Variants in DTNB observed in about 807,000 individuals in gnomAD.
DTNB encodes the protein dystrobrevin beta.
DTNB carries 63 observed loss-of-function variants against 90.7 expected under a neutral mutation model. The ratio of observed to expected loss-of-function variants is 0.69; its 90% CI spans 0.57 to 0.86. The LOEUF is 0.86. DTNB is among the 40% of genes least tolerant of loss of function. The pLI, the probability that DTNB is intolerant of heterozygous loss-of-function variation, is 0.00. For missense variants in DTNB, 744 were observed against 807.1 expected (o/e 0.92, Z 0.95); for synonymous variants, 277 against 286.7 (o/e 0.97, Z 0.34).
In DTNB at chr2:25,558,461, T is replaced by C. The variant is rs2057727100; in HGVS notation, c.876+18377A>G. 9 of 945,160 alleles carry C rather than the reference T, an allele frequency of 9.5e-6. No individual in the cohort carries two copies. The South Asian group carries it at 4.4e-4, about 46-fold the overall frequency. The allele number at this position is 945,160 out of a possible 1,614,324, so 58.5% of individuals were successfully genotyped here. A position where few individuals can be genotyped will look rare whatever the true frequency, so the allele number is the denominator to read the frequency against. On this transcript the variant is annotated intron_variant, in intron 8 of 20. Coordinates refer to ENST00000406818, the MANE Select transcript of DTNB (RefSeq NM_021907.5). ...TGACAAAAGGGCTGTGGCTAAGTGA[T>C]GACTGCCACAGGAAATTGCTCATTT... is the stretch of plus-strand genomic sequence containing the variant.
chr2:25,497,145 A>G (rs1419562343), intron 9 of DTNB, among the ~76,000 whole-genome samples: 1 of 152,194 alleles, frequency 6.6e-6, no homozygotes, highest in Non-Finnish European at 1.5e-5. Context: ...GCATTTTGGG[A>G]AAGAGGAGGC....
intron 4 of DTNB, among the ~76,000 whole-genome samples, chr2:25,613,720 G>A (rs546265161): frequency 6.6e-6 from 1 of 151,888 alleles, no homozygotes; most frequent in South Asian, 2.1e-4. Context: ...AACACGTTGG[G>A]AGGCCAAGGT....
At chr2:25,390,316 A>G (rs143257223) in intron 16 of DTNB, among the ~76,000 whole-genome samples, 116 of 152,350 alleles carry the variant, frequency 7.6e-4, no homozygotes, top group African/African-American at 2.2e-3. Context: ...GATCATAGTA[A>G]CTATAAGGGC....
At chr2:25,587,326 T>C (rs1373722613) in intron 6 of DTNB, among the ~76,000 whole-genome samples, 1 of 152,240 alleles carries the variant, frequency 6.6e-6, no homozygotes, top group Non-Finnish European at 1.5e-5. Context: ...ACACTCCTCT[T>C]CCTTAGGCTG....
At chr2:25,446,997 T>C (rs2150092415) in intron 12 of DTNB, among the ~76,000 whole-genome samples, 1 of 152,392 alleles carries the variant, frequency 6.6e-6, no homozygotes, top group Non-Finnish European at 1.5e-5. Context: ...GTGTCTAATC[T>C]GACATTTAAC....
chr2:25,672,512 G>A (rs2086252741), intron 1 of DTNB, among the ~76,000 whole-genome samples: 1 of 151,990 alleles, frequency 6.6e-6, no homozygotes, highest in Non-Finnish European at 1.5e-5. Flanking sequence ...AATGTTACCC[G>A]TAGGAGCCTT....
chr2:25,542,623 G>A (rs1249826031), intron 8 of DTNB, among the ~76,000 whole-genome samples: 19 of 152,134 alleles, frequency 1.2e-4, no homozygotes, highest in Admixed American at 1.2e-3. Flanking sequence ...AATGTTTGCT[G>A]AAATTCACAA....
intron 10 of DTNB, among the ~76,000 whole-genome samples, chr2:25,456,867 C>G (rs1188881487): frequency 6.6e-6 from 1 of 151,952 alleles, no homozygotes; most frequent in Non-Finnish European, 1.5e-5. Flanking sequence ...TGCGCCCGGC[C>G]CCAGTCACCT....
intron 8 of DTNB, among the ~76,000 whole-genome samples, chr2:25,540,059 C>CCT (rs758297379): frequency 1.3e-5 from 2 of 152,180 alleles, no homozygotes; most frequent in Non-Finnish European, 2.9e-5. Context: ...ACAGCTTCCT[C>CCT]CTGTCTTTTC....
intron 10 of DTNB, among the ~76,000 whole-genome samples, chr2:25,481,411 T>A (rs72797630): frequency 4.1e-4 from 58 of 141,794 alleles, no homozygotes; most frequent in African/African-American, 5.2e-4. Flanking sequence ...TCTCCAAATT[T>A]AAAAAAAAAA....
intron 8 of DTNB, among the ~76,000 whole-genome samples, chr2:25,545,471 A>AT (rs902749244): frequency 1.1e-4 from 16 of 151,956 alleles, no homozygotes; most frequent in East Asian, 3.9e-4. Context: ...CTACAGAGGG[A>AT]TTTTTTTTGT....
intron 8 of DTNB, among the ~76,000 whole-genome samples, chr2:25,540,959 T>A (rs914572640): frequency 1.3e-5 from 2 of 151,594 alleles, no homozygotes; most frequent in African/African-American, 4.9e-5. Flanking sequence ...TTCACTTGTC[T>A]GCTGACCTTC....
intron 16 of DTNB, among the ~76,000 whole-genome samples, chr2:25,398,665 C>G (rs1323724386): frequency 6.6e-6 from 1 of 152,134 alleles, no homozygotes. Flanking sequence ...TGGGCCCATC[C>G]ACACTTGACT....
chr2:25,623,397 G>A (rs1374104032), intron 4 of DTNB, among the ~76,000 whole-genome samples: 1 of 152,176 alleles, frequency 6.6e-6, no homozygotes, highest in Non-Finnish European at 1.5e-5. Context: ...ATGGTACTGG[G>A]GACAAGGAGA....
At chr2:25,403,119 G>A (rs952855568) in intron 16 of DTNB, among the ~76,000 whole-genome samples, 4 of 152,116 alleles carry the variant, frequency 2.6e-5, no homozygotes, top group African/African-American at 9.7e-5. Context: ...TGGTATCCCA[G>A]TAGTCTTTTT....
At chr2:25,408,124 A>C (rs1023496237) in intron 16 of DTNB, among the ~76,000 whole-genome samples, 2 of 151,944 alleles carry the variant, frequency 1.3e-5, no homozygotes, top group Admixed American at 1.3e-4. Flanking sequence ...TGACCAACGT[A>C]GAGAAACCCC....
intron 10 of DTNB, among the ~76,000 whole-genome samples, chr2:25,456,756 G>A (rs894738513): frequency 3.3e-5 from 5 of 151,672 alleles, no homozygotes; most frequent in African/African-American, 7.3e-5. Context: ...TAGTAGAGAC[G>A]GGTTTTCGCC....
rs201023279 is a variant in DTNB at position 25,482,861 on chromosome 2, A to C, written c.1014T>G (p.Pro338=). The change falls in exon 10 of 21, where the codon CCT becomes CCG. Residue 338 remains proline (P), a synonymous_variant. Transcript: ENST00000406818. ...CCATGGTGTCATTCATATTAGTCAG[A>C]GGGCGAGGAGGACTGAAAGAAAAGA... ...LDLAHIVPPR[P]LTNMNDTMVS... The C allele has an allele frequency of 4.6e-5, 74 of 1,605,944 alleles. No homozygotes were observed. The highest frequency in any genetic ancestry group is 6.3e-5 in the Non-Finnish European group (74 of 1,177,398).
chr2:25,444,534 CAA>C (rs5829977), intron 12 of DTNB, among the ~76,000 whole-genome samples: 1,958 of 116,286 alleles, frequency 0.017, 44 homozygotes, highest in African/African-American at 0.055. Context: ...GACTCCATCT[CAA>C]AAAAAAAAAA....
Sources: allele counts gnomAD v4.1 joint callset (sites outside exome capture counted in the v4.1 genomes callset), GRCh38; gene constraint gnomAD v4.1.1; transcripts MANE v1.5; gene names NCBI Gene and HGNC (gene_info 2026-07-23, HGNC 2026-07-21).